Variants in PTPRT observed in about 807,000 individuals in gnomAD.
The protein encoded by PTPRT is protein tyrosine phosphatase receptor type T.
A neutral mutation model predicts 176.8 loss-of-function variants in PTPRT; 56 were observed. The observed-to-expected ratio is 0.32, with a 90% CI of 0.26 to 0.40. PTPRT has a LOEUF of 0.40. Among genes scored for constraint, PTPRT ranks in the 10% least tolerant of loss-of-function variants. The probability of loss-of-function intolerance (pLI) is 1.00; values close to 1 mark genes in which losing one functional copy is unlikely to be tolerated. For synonymous variants in PTPRT, 783 were observed against 739.0 expected (o/e 1.06, Z -0.96); for missense variants, 1,540 against 1,908.2 (o/e 0.81, Z 3.60).
intron 7 of PTPRT, among the ~76,000 whole-genome samples, chr20:42,550,059 C>T (rs961042508): frequency 2.6e-5 from 4 of 152,076 alleles, no homozygotes; most frequent in South Asian, 2.1e-4. Flanking sequence ...TGAAAAATCA[C>T]GAGAGCCATT....
At chr20:42,482,105 T>G (rs35315463) in intron 7 of PTPRT, among the ~76,000 whole-genome samples, 2 of 152,032 alleles carry the variant, frequency 1.3e-5, no homozygotes, top group African/African-American at 2.4e-5. Flanking sequence ...GGGCAAAGGA[T>G]GGATAGGATT....
At chr20:42,142,051 A>G in intron 17 of PTPRT, 49 bp from the exon 18 acceptor site, 1 of 1,520,144 alleles carries the variant, frequency 6.6e-7, no homozygotes, top group Non-Finnish European at 9.1e-7. Flanking sequence ...TAGGAGCTTT[A>G]TGGAAGTGGA....
intron 2 of PTPRT, among the ~76,000 whole-genome samples, chr20:42,792,330 G>T (rs971426128): frequency 1.3e-5 from 2 of 152,192 alleles, no homozygotes; most frequent in African/African-American, 4.8e-5. Flanking sequence ...CAGCTTTATT[G>T]TGACAATAGC....
chr20:42,168,856 A>C (rs1266827979), intron 16 of PTPRT, among the ~76,000 whole-genome samples: 1 of 152,218 alleles, frequency 6.6e-6, no homozygotes, highest in Non-Finnish European at 1.5e-5. Context: ...GGAACAGTAG[A>C]TTCACATCCT....
chr20:43,180,973 A>C (rs917359595), intron 1 of PTPRT, among the ~76,000 whole-genome samples: 2 of 152,126 alleles, frequency 1.3e-5, no homozygotes, highest in African/African-American at 4.8e-5. Flanking sequence ...ATTAGGTTAC[A>C]AAGGACTGTG....
intron 7 of PTPRT, among the ~76,000 whole-genome samples, chr20:42,525,282 G>A (rs767758641): frequency 4.6e-5 from 7 of 152,014 alleles, no homozygotes; most frequent in African/African-American, 9.7e-5. Context: ...CATTGTTCCC[G>A]GCTCATCTTT....
intron 24 of PTPRT, among the ~76,000 whole-genome samples, chr20:42,105,822 A>G (rs1986384103): frequency 6.6e-6 from 1 of 152,214 alleles, no homozygotes; most frequent in African/African-American, 2.4e-5. Flanking sequence ...GGCTGGCTGT[A>G]CCAAAACCAT....
intron 22 of PTPRT, among the ~76,000 whole-genome samples, chr20:42,114,561 C>G (rs1228889861): frequency 6.6e-6 from 1 of 152,180 alleles, no homozygotes; most frequent in African/African-American, 2.4e-5. Context: ...ACTACTGATG[C>G]CTTGGGCTGG....
intron 7 of PTPRT, among the ~76,000 whole-genome samples, chr20:42,593,930 C>T (rs1351180082): frequency 6.6e-6 from 1 of 152,088 alleles, no homozygotes; most frequent in Non-Finnish European, 1.5e-5. Context: ...GCCAGCAGGT[C>T]TATGGTTCAG....
chr20:42,682,315 G>A (rs1313953504), intron 6 of PTPRT, among the ~76,000 whole-genome samples: 2 of 152,170 alleles, frequency 1.3e-5, no homozygotes, highest in Non-Finnish European at 2.9e-5. Flanking sequence ...GTGACTCACT[G>A]GATGAAGAGA....
chr20:42,922,850 A>G (rs768151666), intron 1 of PTPRT, among the ~76,000 whole-genome samples: 125 of 152,240 alleles, frequency 8.2e-4, no homozygotes, highest in Non-Finnish European at 1.5e-3. Flanking sequence ...CAGGTGAAGC[A>G]TAGACCACCC....
At chr20:42,986,853 A>C (rs896797466) in intron 1 of PTPRT, among the ~76,000 whole-genome samples, 1 of 152,166 alleles carries the variant, frequency 6.6e-6, no homozygotes, top group Non-Finnish European at 1.5e-5. Flanking sequence ...AGAGCTGTAC[A>C]GTGGGGGCTT....
At chr20:42,295,816 TTCCCAC>T (rs1172892829) in intron 12 of PTPRT, among the ~76,000 whole-genome samples, 37 of 152,086 alleles carry the variant, frequency 2.4e-4, no homozygotes, top group Admixed American at 2.4e-3. Flanking sequence ...ATAGGGGTGG[TTCCCAC>T]ATGCTATTCT....
chr20:42,941,329 A>G (rs538155962), intron 1 of PTPRT, among the ~76,000 whole-genome samples: 5 of 152,310 alleles, frequency 3.3e-5, no homozygotes, highest in African/African-American at 1.2e-4. Flanking sequence ...AGATGTCATC[A>G]GGCAAAGGAC....
intron 1 of PTPRT, among the ~76,000 whole-genome samples, chr20:43,003,132 A>G (rs1197413461): frequency 6.6e-6 from 1 of 152,174 alleles, no homozygotes; most frequent in Non-Finnish European, 1.5e-5. Context: ...ATCTTTCAAA[A>G]GAGCACTGGA....
chr20:42,470,180 T>C (rs533550744), intron 8 of PTPRT, among the ~76,000 whole-genome samples: 190 of 152,304 alleles, frequency 1.2e-3, no homozygotes, highest in African/African-American at 4.2e-3. Context: ...GACCTCTTTA[T>C]ACAATTTTTG....
intron 13 of PTPRT, among the ~76,000 whole-genome samples, chr20:42,272,715 G>A (rs960296102): frequency 2.9e-5 from 3 of 105,252 alleles, no homozygotes; most frequent in African/African-American, 1.3e-4. Context: ...GCACACACAC[G>A]TGCGCGCACA....
chr20:42,044,786 C>T, the PTPRT span, among the ~76,000 whole-genome samples: 1 of 152,182 alleles, frequency 6.6e-6, no homozygotes, highest in East Asian at 1.9e-4. Context: ...TAAAGCAACA[C>T]AGACTGATTA....
intron 1 of PTPRT, among the ~76,000 whole-genome samples, chr20:42,990,610 C>T (rs918107892): frequency 6.6e-6 from 1 of 152,158 alleles, no homozygotes; most frequent in African/African-American, 2.4e-5. Flanking sequence ...GTGTTCAACA[C>T]AATAGTGAAG....
Sources: gnomAD v4.1 joint callset for allele counts (sites outside exome capture counted in the v4.1 genomes callset) on GRCh38, gnomAD v4.1.1 for gene constraint, MANE v1.5 for transcripts, NCBI Gene and HGNC (gene_info 2026-07-23, HGNC 2026-07-21) for gene names.